Variants in CDKAL1 observed in about 807,000 individuals in gnomAD.
CDKAL1 encodes the protein CDKAL1 threonylcarbamoyladenosine tRNA methylthiotransferase.
In CDKAL1, 32 loss-of-function variants were observed where a neutral mutation model predicts 68.2. That is an observed-to-expected ratio of 0.47 (90% CI 0.35 to 0.63). CDKAL1 has a LOEUF of 0.63. Among genes scored for constraint, CDKAL1 ranks in the 30% least tolerant of loss-of-function variants. The pLI, the probability that CDKAL1 is intolerant of heterozygous loss-of-function variation, is 0.00. For missense variants in CDKAL1, 606 were observed against 696.7 expected (o/e 0.87, Z 1.47); for synonymous variants, 234 against 244.3 (o/e 0.96, Z 0.39).
At chr6:20,936,205 T>C (rs1347483590) in intron 9 of CDKAL1, among the ~76,000 whole-genome samples, 1 of 151,180 alleles carries the variant, frequency 6.6e-6, no homozygotes, top group Non-Finnish European at 1.5e-5. Context: ...TTTCTGTACA[T>C]TTTTTTAAAA....
At chr6:21,170,957 A>G (rs977658936) in intron 13 of CDKAL1, among the ~76,000 whole-genome samples, 4 of 152,192 alleles carry the variant, frequency 2.6e-5, no homozygotes, top group Admixed American at 2.0e-4. Flanking sequence ...TATTGTCACC[A>G]TCACCACGCA....
intron 4 of CDKAL1, among the ~76,000 whole-genome samples, chr6:20,564,842 G>GA: frequency 6.6e-6 from 1 of 152,266 alleles, no homozygotes; most frequent in South Asian, 2.1e-4. Context: ...AAGTACCTTT[G>GA]AAAATGTAGC....
At chr6:20,840,964 A>G (rs1778151146) in intron 8 of CDKAL1, among the ~76,000 whole-genome samples, 1 of 152,060 alleles carries the variant, frequency 6.6e-6, no homozygotes, top group Non-Finnish European at 1.5e-5. Context: ...CTTTTCCAAG[A>G]TTTAGTTCTT....
intron 5 of CDKAL1, among the ~76,000 whole-genome samples, chr6:20,667,798 T>C (rs187064251): frequency 6.6e-6 from 1 of 152,264 alleles, no homozygotes; most frequent in Non-Finnish European, 1.5e-5. Flanking sequence ...AATAGCAAAA[T>C]TGTAAAAATA....
intron 13 of CDKAL1, among the ~76,000 whole-genome samples, chr6:21,158,175 C>T (rs1418251585): frequency 6.6e-6 from 1 of 152,110 alleles, no homozygotes; most frequent in Non-Finnish European, 1.5e-5. Flanking sequence ...TCTGAGGATA[C>T]GCATGTTAGT....
intron 8 of CDKAL1, among the ~76,000 whole-genome samples, chr6:20,806,478 T>G (rs910514638): frequency 2.6e-5 from 4 of 152,178 alleles, no homozygotes; most frequent in Non-Finnish European, 5.9e-5. Context: ...ATATTCCTTT[T>G]GGTATATATG....
chr6:20,757,239 A>G (rs1774258038), intron 6 of CDKAL1, among the ~76,000 whole-genome samples: 1 of 152,056 alleles, frequency 6.6e-6, no homozygotes, highest in African/African-American at 2.4e-5. Context: ...CCAGCCAGCC[A>G]TTACATTTTT....
chr6:20,775,005 T>A (rs573797191), intron 7 of CDKAL1, among the ~76,000 whole-genome samples: 4 of 152,200 alleles, frequency 2.6e-5, no homozygotes, highest in Non-Finnish European at 5.9e-5. Flanking sequence ...TGACCATTAT[T>A]TAGAGGAGGT....
At chr6:20,638,470 A>G (rs1768004013) in intron 4 of CDKAL1, among the ~76,000 whole-genome samples, 1 of 152,122 alleles carries the variant, frequency 6.6e-6, no homozygotes, top group Admixed American at 6.5e-5. Flanking sequence ...CATTGCTTGT[A>G]AGATGGGCCT....
intron 10 of CDKAL1, among the ~76,000 whole-genome samples, chr6:20,999,460 C>CT (rs1185284354): frequency 6.6e-6 from 1 of 151,916 alleles, no homozygotes; most frequent in African/African-American, 2.4e-5. Flanking sequence ...TAAACACTCT[C>CT]TGAGTTTTTA....
chr6:20,609,830 A>G (rs1581814813), intron 4 of CDKAL1, among the ~76,000 whole-genome samples: 1 of 152,068 alleles, frequency 6.6e-6, no homozygotes, highest in Admixed American at 6.5e-5. Flanking sequence ...TTTGTTACAT[A>G]GGTAAACTTG....
At chr6:21,171,702 A>G (rs1277619088) in intron 13 of CDKAL1, among the ~76,000 whole-genome samples, 1 of 152,144 alleles carries the variant, frequency 6.6e-6, no homozygotes, top group Non-Finnish European at 1.5e-5. Flanking sequence ...TAAATACCTC[A>G]TACTATAGAT....
At chr6:20,649,411 A>G (rs776478165) in intron 5 of CDKAL1, 34 bp downstream of exon 5, 2 of 1,202,552 alleles carry the variant, frequency 1.7e-6, no homozygotes, top group Non-Finnish European at 2.4e-6. Flanking sequence ...TATTTTGTAT[A>G]ATCAAAGTAA....
chr6:20,702,872 A>G (rs1771432718), intron 5 of CDKAL1, among the ~76,000 whole-genome samples: 1 of 151,848 alleles, frequency 6.6e-6, no homozygotes, highest in African/African-American at 2.4e-5. Flanking sequence ...TCTACCCAGC[A>G]CTTCCCTTCA....
At chr6:20,787,038 C>G (rs114366727) in intron 8 of CDKAL1, among the ~76,000 whole-genome samples, 2,019 of 152,146 alleles carry the variant, frequency 0.013, 49 homozygotes, top group African/African-American at 0.045. Flanking sequence ...TAAGATACTC[C>G]TATCAGATTA....
intron 4 of CDKAL1, among the ~76,000 whole-genome samples, chr6:20,614,125 G>A (rs374967827): frequency 7.9e-5 from 12 of 152,124 alleles, no homozygotes; most frequent in African/African-American, 1.2e-4. Flanking sequence ...GTTGGGTGAC[G>A]CTTACTGATT....
At chr6:20,669,837 C>T (rs1769726729) in intron 5 of CDKAL1, among the ~76,000 whole-genome samples, 1 of 152,102 alleles carries the variant, frequency 6.6e-6, no homozygotes, top group Non-Finnish European at 1.5e-5. Flanking sequence ...GCAATCTGGG[C>T]ACTAGATATG....
At chr6:21,098,204 CAG>C (rs1582193166) in intron 12 of CDKAL1, among the ~76,000 whole-genome samples, 2 of 152,250 alleles carry the variant, frequency 1.3e-5, no homozygotes, top group Non-Finnish European at 2.9e-5. Flanking sequence ...AGAATGGAAA[CAG>C]AAACTGGTTG....
chr6:20,985,854 A>C (rs552991798), intron 10 of CDKAL1, among the ~76,000 whole-genome samples: 13 of 151,382 alleles, frequency 8.6e-5, no homozygotes, highest in Non-Finnish European at 1.6e-4. Context: ...TGCATTTAAG[A>C]GGTGGGGGAG....
Sources: gnomAD v4.1 joint callset for allele counts (sites outside exome capture counted in the v4.1 genomes callset) on GRCh38, gnomAD v4.1.1 for gene constraint, MANE v1.5 for transcripts, NCBI Gene and HGNC (gene_info 2026-07-23, HGNC 2026-07-21) for gene names.